CSMD1: variants seen among roughly 807,000 people sequenced by gnomAD.
The protein encoded by CSMD1 is CUB and sushi domain-containing protein 1.
Under a neutral mutation model 417.5 loss-of-function variants are expected in CSMD1, and 213 were observed. The observed-to-expected ratio is 0.51, with a 90% CI of 0.46 to 0.57. The LOEUF (loss-of-function observed/expected upper bound fraction) is 0.57. Among genes scored for constraint, CSMD1 ranks in the 20% least tolerant of loss-of-function variants. The pLI is 0.00. For missense variants in CSMD1, 6,923 were observed against 4,529.7 expected (o/e 1.53, Z -15.17); for synonymous variants, 2,862 against 1,736.8 (o/e 1.65, Z -16.11).
chr8:3,272,808 T>C (rs950225370), intron 26 of CSMD1, among the ~76,000 whole-genome samples: 8 of 150,612 alleles, frequency 5.3e-5, no homozygotes, highest in Admixed American at 4.7e-4. Flanking sequence ...CTGAAGTTGC[T>C]TATCAGCTTA....
At chr8:3,793,629 G>A (rs1407513150) in intron 5 of CSMD1, among the ~76,000 whole-genome samples, 1 of 151,986 alleles carries the variant, frequency 6.6e-6, no homozygotes, top group Non-Finnish European at 1.5e-5. Flanking sequence ...TCCCCCAGAA[G>A]CCTCACCTCA....
chr8:4,611,944 G>T (rs915956702), intron 2 of CSMD1, among the ~76,000 whole-genome samples: 2 of 152,146 alleles, frequency 1.3e-5, no homozygotes, highest in East Asian at 1.9e-4. Flanking sequence ...GTGAATTCAG[G>T]ATTTCATTTA....
At chr8:3,647,821 ATGT>A (rs1797653920) in intron 7 of CSMD1, among the ~76,000 whole-genome samples, 1 of 152,236 alleles carries the variant, frequency 6.6e-6, no homozygotes, top group Non-Finnish European at 1.5e-5. Context: ...CAAATGTATA[ATGT>A]TGGTGAATCT....
intron 6 of CSMD1, among the ~76,000 whole-genome samples, chr8:3,710,806 T>G (rs1425143008): frequency 6.6e-6 from 1 of 152,154 alleles, no homozygotes; most frequent in African/African-American, 2.4e-5. Context: ...GGCTCACAGA[T>G]GCACAGGGAA....
chr8:3,916,358 A>G (rs534198183), intron 5 of CSMD1, among the ~76,000 whole-genome samples: 2 of 152,270 alleles, frequency 1.3e-5, no homozygotes, highest in Admixed American at 6.5e-5. Flanking sequence ...AGCGAATATC[A>G]AGCCTCTGTA....
chr8:4,513,831 C>A (rs186839874), intron 2 of CSMD1, among the ~76,000 whole-genome samples: 1 of 152,306 alleles, frequency 6.6e-6, no homozygotes, highest in East Asian at 1.9e-4. Context: ...CTGTGATGTA[C>A]TGCTCTGACA....
chr8:3,050,105 T>TAAAAA (rs11402129), intron 50 of CSMD1, among the ~76,000 whole-genome samples: 1 of 140,562 alleles, frequency 7.1e-6, no homozygotes, highest in Non-Finnish European at 1.5e-5. Flanking sequence ...CTAGAGAACT[T>TAAAAA]AAAAAAAAAA....
At chr8:3,238,436 A>C (rs1799290827) in intron 26 of CSMD1, among the ~76,000 whole-genome samples, 1 of 152,124 alleles carries the variant, frequency 6.6e-6, no homozygotes, top group African/African-American at 2.4e-5. Context: ...TAAGAAAAAT[A>C]AAATGAAATA....
At chr8:3,354,688 A>T (rs1808624561) in intron 21 of CSMD1, among the ~76,000 whole-genome samples, 1 of 151,882 alleles carries the variant, frequency 6.6e-6, no homozygotes, top group African/African-American at 2.4e-5. Flanking sequence ...AGCTTTTAAG[A>T]AGCAACAGAA....
chr8:4,827,543 C>G (rs1799905792), intron 1 of CSMD1, among the ~76,000 whole-genome samples: 1 of 152,138 alleles, frequency 6.6e-6, no homozygotes, highest in South Asian at 2.1e-4. Context: ...CTTGGGAACA[C>G]TTTTTCAAAC....
chr8:4,646,851 G>A (rs1419103790), intron 1 of CSMD1, among the ~76,000 whole-genome samples: 1 of 152,152 alleles, frequency 6.6e-6, no homozygotes, highest in Admixed American at 6.5e-5. Context: ...TTTTTGTTAT[G>A]AAAATTATAC....
At chr8:3,532,276 T>C (rs1042982144) in intron 10 of CSMD1, among the ~76,000 whole-genome samples, 4 of 152,178 alleles carry the variant, frequency 2.6e-5, no homozygotes, top group Non-Finnish European at 5.9e-5. Context: ...CCACTTCACA[T>C]GATTCTGCAT....
chr8:4,680,979 A>T (rs375904240), intron 1 of CSMD1, among the ~76,000 whole-genome samples: 150 of 132,848 alleles, frequency 1.1e-3, no homozygotes, highest in Admixed American at 2.2e-3. Context: ...TGTGTGTGAG[A>T]GAGAGAGAGA....
At chr8:4,199,268 C>G (rs1391422355) in intron 3 of CSMD1, among the ~76,000 whole-genome samples, 2 of 152,188 alleles carry the variant, frequency 1.3e-5, no homozygotes, top group Non-Finnish European at 2.9e-5. Context: ...ATTCATACAT[C>G]TTCTGCTATG....
intron 3 of CSMD1, among the ~76,000 whole-genome samples, chr8:4,085,215 A>C (rs1284844663): frequency 6.6e-6 from 1 of 152,140 alleles, no homozygotes; most frequent in Non-Finnish European, 1.5e-5. Context: ...CCAGCTAGAC[A>C]TGAATCATCT....
intron 4 of CSMD1, among the ~76,000 whole-genome samples, chr8:4,008,592 CTT>C (rs1201409236): frequency 1.2e-5 from 1 of 86,590 alleles, no homozygotes; most frequent in Non-Finnish European, 2.5e-5. Context: ...TATTTTCTTT[CTT>C]TTTTTCTTTT....
intron 26 of CSMD1, among the ~76,000 whole-genome samples, chr8:3,281,455 C>G (rs899229398): frequency 6.6e-6 from 1 of 151,978 alleles, no homozygotes; most frequent in African/African-American, 2.4e-5. Flanking sequence ...AGGAAAAAAA[C>G]GGGTAAATAA....
intron 48 of CSMD1, among the ~76,000 whole-genome samples, chr8:3,087,533 T>C (rs568372004): frequency 6.6e-6 from 1 of 152,346 alleles, no homozygotes; most frequent in East Asian, 1.9e-4. Flanking sequence ...AATACAGTAC[T>C]GTGAGAAACA....
At chr8:3,301,413 A>T (rs905753587) in intron 25 of CSMD1, among the ~76,000 whole-genome samples, 2 of 152,276 alleles carry the variant, frequency 1.3e-5, no homozygotes, top group Non-Finnish European at 2.9e-5. Context: ...AGGTCTTGAC[A>T]TGTGGATATG....
Sources: gnomAD v4.1 joint callset for allele counts (sites outside exome capture counted in the v4.1 genomes callset) on GRCh38, gnomAD v4.1.1 for gene constraint, MANE v1.5 for transcripts, NCBI Gene and HGNC (gene_info 2026-07-23, HGNC 2026-07-21) for gene names.